Variants in CRKL observed in about 807,000 individuals in gnomAD.
The protein encoded by CRKL is crk-like protein.
A neutral mutation model predicts 23.0 loss-of-function variants in CRKL; 3 were observed. That is an observed-to-expected ratio of 0.13 (90% CI 0.06 to 0.34). The LOEUF is 0.34. Among genes scored for constraint, CRKL ranks in the 10% least tolerant of loss-of-function variants. The pLI, the probability that CRKL is intolerant of heterozygous loss-of-function variation, is 1.00. For missense variants in CRKL, 256 were observed against 394.5 expected, an observed-to-expected ratio of 0.65 and a Z score of 2.97; for synonymous variants, 188 against 160.7, an observed-to-expected ratio of 1.17 and a Z score of -1.28.
At chr22:20,940,020 C>A (rs1398825053) in intron 2 of CRKL, among the ~76,000 whole-genome samples, 1 of 151,950 alleles carries the variant, frequency 6.6e-6, no homozygotes, top group Non-Finnish European at 1.5e-5. Flanking sequence ...AAACTCCTAA[C>A]CTCAGGCAAT....
Position 20,949,934 on chromosome 22 carries a change from C to T in CRKL, c.*89C>T. On this transcript the variant is annotated 3_prime_UTR_variant, in exon 3 of 3. Transcript: ENST00000354336. Reference sequence around the variant, plus strand: ...AAAGCATTTTCTCTCATAGGCAAGTCACACTGCATTGCCGAAGTCCAGCTT... The same window carrying T: ...AAAGCATTTTCTCTCATAGGCAAGTTACACTGCATTGCCGAAGTCCAGCTT... The T allele has an allele frequency of 2.7e-6, 4 of 1,497,596 alleles. No individual in the cohort carries two copies. The highest frequency in any genetic ancestry group is 3.6e-6 in the Non-Finnish European group (4 of 1,123,788). 92.8% of individuals were successfully genotyped at this position (1,497,596 alleles called of 1,614,324 possible).
intron 1 of CRKL, among the ~76,000 whole-genome samples, chr22:20,928,448 C>T (rs778727519): frequency 8.6e-5 from 13 of 151,530 alleles, no homozygotes; most frequent in Non-Finnish European, 1.6e-4. Context: ...TAGAGCAAGA[C>T]GCTATCTCAA....
At chr22:20,921,431 A>G (rs890062894) in intron 1 of CRKL, among the ~76,000 whole-genome samples, 1 of 151,708 alleles carries the variant, frequency 6.6e-6, no homozygotes, top group Admixed American at 6.6e-5. Context: ...TGTGTGACAG[A>G]CATACTTTCT....
rs1427031441 is a variant in CRKL, at chr22:20,926,878, G to A, written c.312-6901G>A. ...TGTAATCCTAGCACCTTGGGAGGCGGAGGCAGGTGGATTGCCTGAGCTCAT... is the reference window on the plus strand; with the variant it reads ...TGTAATCCTAGCACCTTGGGAGGCGAAGGCAGGTGGATTGCCTGAGCTCAT... On this transcript the variant is annotated intron_variant, in intron 1 of 2. Coordinates refer to ENST00000354336, the MANE Select transcript of CRKL (RefSeq NM_005207.4). Among the ~76,000 whole-genome samples, 4 of 152,092 alleles carry A rather than the reference G, an allele frequency of 2.6e-5. No homozygotes were observed. The East Asian group carries it at 5.9e-4, about 22-fold the overall frequency.
intron 2 of CRKL, 75 bp downstream of exon 2, chr22:20,934,319 C>A: frequency 7.9e-7 from 1 of 1,257,998 alleles, no homozygotes; most frequent in Non-Finnish European, 1.1e-6. Context: ...TTAGTTTCTG[C>A]TCATTTAAGC....
intron 2 of CRKL, among the ~76,000 whole-genome samples, chr22:20,943,391 C>T (rs940771065): frequency 2.0e-5 from 3 of 152,106 alleles, no homozygotes; most frequent in Admixed American, 6.5e-5. Flanking sequence ...AGGCACTCAC[C>T]ACCATACCCC....
intron 2 of CRKL, among the ~76,000 whole-genome samples, chr22:20,942,447 T>A (rs993912490): frequency 2.0e-5 from 3 of 152,246 alleles, no homozygotes; most frequent in Admixed American, 1.3e-4. Context: ...TATGTATATA[T>A]CACGTTTTGT....
Position 20,952,045 on chromosome 22 carries a change from AGT to A in CRKL, c.*2203_*2204del. 2 of 226,202 alleles carry A rather than the reference AGT, an allele frequency of 8.8e-6. No homozygotes were observed. Among genetic ancestry groups the A allele is most frequent in the Non-Finnish European group, 8.8e-6 (1 of 113,774 alleles). 14.0% of individuals were successfully genotyped at this position (226,202 alleles called of 1,614,324 possible). On this transcript the variant is annotated 3_prime_UTR_variant, in exon 3 of 3. Transcript: ENST00000354336. ...GAGTCCCCAGACTCTGCCTAGAAAC[AGT>A]GTTTGCCCTTTGGCCAGTGACGTGG...
intron 2 of CRKL, among the ~76,000 whole-genome samples, chr22:20,936,877 T>C (rs545377549): frequency 2.7e-4 from 40 of 150,704 alleles, no homozygotes; most frequent in African/African-American, 8.8e-4. Context: ...TTTTTTTTTT[T>C]CGAGATGGAG....
chr22:20,924,120 C>A (rs990427200), intron 1 of CRKL, among the ~76,000 whole-genome samples: 3 of 152,064 alleles, frequency 2.0e-5, no homozygotes, highest in Non-Finnish European at 4.4e-5. Flanking sequence ...CATGGGAGGT[C>A]GAGGCTACAG....
At chr22:20,944,790 A>G (rs1921996865) in intron 2 of CRKL, among the ~76,000 whole-genome samples, 1 of 148,498 alleles carries the variant, frequency 6.7e-6, no homozygotes, top group African/African-American at 2.5e-5. Context: ...CTCCCGCTCC[A>G]TTGCCCAGGC....
intron 1 of CRKL, among the ~76,000 whole-genome samples, chr22:20,928,805 C>T (rs1209363225): frequency 1.1e-4 from 11 of 102,794 alleles, no homozygotes; most frequent in East Asian, 2.8e-4. Context: ...AGAACGAGAT[C>T]CCATCTCAAA....
chr22:20,944,069 C>T (rs752787239), intron 2 of CRKL, among the ~76,000 whole-genome samples: 1 of 134,124 alleles, frequency 7.5e-6, no homozygotes, highest in African/African-American at 2.8e-5. Flanking sequence ...CCCATTGCTG[C>T]AAAAAAAAAG....
At chr22:20,936,501 A>C (rs1003113031) in intron 2 of CRKL, among the ~76,000 whole-genome samples, 1 of 152,006 alleles carries the variant, frequency 6.6e-6, no homozygotes, top group Non-Finnish European at 1.5e-5. Context: ...GGCATGTGCC[A>C]CCATGCCCGG....
chr22:20,944,678 C>G lies in CRKL; in HGVS notation c.778-5033C>G, dbSNP rs574491845. Among the ~76,000 whole-genome samples, 7 of 152,138 alleles carry G rather than the reference C, an allele frequency of 4.6e-5. No individual in the cohort carries two copies. In the South Asian group the frequency reaches 1.0e-3, roughly 23 times the overall value. On this transcript the variant is annotated intron_variant, in intron 2 of 2. Coordinates refer to ENST00000354336, the MANE Select transcript of CRKL (RefSeq NM_005207.4). ...TCGGCCTCCCAAAGTGCTGGGATTA[C>G]AGGCATGAGCCACCGCACAGCCTAT...
rs921790436 is a variant in CRKL at position 20,952,570 on chromosome 22, C to T, written c.*2725C>T. On this transcript the variant is annotated 3_prime_UTR_variant, in exon 3 of 3. Coordinates refer to ENST00000354336, the MANE Select transcript of CRKL (RefSeq NM_005207.4). The stretch of plus-strand genomic sequence containing the variant: ...TGAATGCAGCACTGCTGCCTCAGCT[C>T]AGCTTCGTGCCTGGGTTCCCCACTG... 3.9e-5 allele frequency: 9 copies of T among 232,646 alleles called. No individual in the cohort carries two copies. 14.4% of individuals were successfully genotyped at this position (232,646 alleles called of 1,614,324 possible).
chr22:20,948,436 G>A (rs1316946457), intron 2 of CRKL, among the ~76,000 whole-genome samples: 1 of 152,096 alleles, frequency 6.6e-6, no homozygotes, highest in East Asian at 1.9e-4. Context: ...GATCATTAGA[G>A]GGGGCGTGGG....
At chr22:20,942,070 T>C (rs1309958719) in intron 2 of CRKL, among the ~76,000 whole-genome samples, 3 of 152,180 alleles carry the variant, frequency 2.0e-5, no homozygotes, top group African/African-American at 7.2e-5. Flanking sequence ...TTCTCATGAC[T>C]GCTCCCACAC....
intron 2 of CRKL, among the ~76,000 whole-genome samples, chr22:20,944,712 A>AT (rs1569137759): frequency 6.7e-6 from 1 of 149,382 alleles, no homozygotes; most frequent in Non-Finnish European, 1.5e-5. Context: ...ATTCTTGGAT[A>AT]TTTTTATTTT....
Sources: allele counts gnomAD v4.1 joint callset (sites outside exome capture counted in the v4.1 genomes callset), GRCh38; gene constraint gnomAD v4.1.1; transcripts MANE v1.5; gene names NCBI Gene and HGNC (gene_info 2026-07-23, HGNC 2026-07-21).